The following COL25A1 variants were observed in gnomAD, a reference collection of about 807,000 sequenced individuals.
COL25A1 encodes the protein collagen type XXV alpha 1 chain.
Under a neutral mutation model 128.4 loss-of-function variants are expected in COL25A1, and 103 were observed. The ratio of observed to expected loss-of-function variants is 0.80; its 90% CI spans 0.68 to 0.94. The LOEUF (loss-of-function observed/expected upper bound fraction) is 0.94. Ranked by LOEUF, COL25A1 falls within the 40% of genes least tolerant of loss-of-function variation. The probability of loss-of-function intolerance (pLI) is 0.00; values close to 1 mark genes in which losing one functional copy is unlikely to be tolerated. For missense variants in COL25A1, 745 were observed against 840.0 expected (o/e 0.89, Z 1.40); for synonymous variants, 279 against 277.2 (o/e 1.01, Z -0.06).
At chr4:108,884,135 A>C in intron 19 of COL25A1, 43 bp downstream of exon 19, 1 of 1,599,360 alleles carries the variant, frequency 6.3e-7, no homozygotes, top group South Asian at 1.1e-5. Context: ...TGAATCTCAT[A>C]ATTACAGTTC....
Position 108,954,945 on chromosome 4 carries a change from C to CT in COL25A1, c.493-13509dup, listed in dbSNP as rs11353233. ...CAAACTACAGATGTATGTTATAAAT[C>CT]TTTTTTTTTTTAAAATGGGTCTTCG... On this transcript the variant is annotated intron_variant, in intron 8 of 37. Coordinates refer to ENST00000399132, the MANE Select transcript of COL25A1 (RefSeq NM_198721.4). 4.0e-4 allele frequency among the ~76,000 whole-genome samples: 60 copies of CT among 148,372 alleles called. 1 individual carries two copies. The highest frequency in any genetic ancestry group is 3.5e-3 in the Middle Eastern group (1 of 282).
At chr4:108,889,416 G>A (rs1741219024) in intron 17 of COL25A1, among the ~76,000 whole-genome samples, 160 bp from the exon 18 acceptor site, 1 of 112,240 alleles carries the variant, frequency 8.9e-6, no homozygotes, top group African/African-American at 3.2e-5. Flanking sequence ...TAGACATACG[G>A]ATTTTTTTTT....
Position 108,848,807 on chromosome 4 carries a change from T to C in COL25A1, c.1390-4A>G. 1 of 1,606,340 alleles carries C rather than the reference T, an allele frequency of 6.2e-7. No homozygotes were observed. The highest frequency in any genetic ancestry group is 8.5e-7 in the Non-Finnish European group (1 of 1,173,376). ...TTCCTGGAGATCCCTGCTCTCCCTATTAAGATAAAAATAGATGACTTGCCT... is the reference window on the plus strand; with the variant it reads ...TTCCTGGAGATCCCTGCTCTCCCTACTAAGATAAAAATAGATGACTTGCCT... On this transcript the variant is annotated splice_region_variant and splice_polypyrimidine_tract_variant and intron_variant, in intron 26 of 37. Coordinates refer to ENST00000399132, the MANE Select transcript of COL25A1 (RefSeq NM_198721.4).
chr4:108,825,545 G>C (rs1284045559), intron 33 of COL25A1, among the ~76,000 whole-genome samples: 2 of 152,154 alleles, frequency 1.3e-5, no homozygotes, highest in Non-Finnish European at 2.9e-5. Flanking sequence ...TAAGGGTCAT[G>C]AAAATTTTAT....
At chr4:109,215,716 A>G (rs754862601) in intron 3 of COL25A1, among the ~76,000 whole-genome samples, 1 of 152,142 alleles carries the variant, frequency 6.6e-6, no homozygotes, top group Non-Finnish European at 1.5e-5. Flanking sequence ...AGAAAGTCCC[A>G]TGAGGGCAGA....
At chr4:109,186,793 G>T (rs1401554534) in intron 3 of COL25A1, among the ~76,000 whole-genome samples, 1 of 152,182 alleles carries the variant, frequency 6.6e-6, no homozygotes. Context: ...TAAATAATCT[G>T]CTCCCAGGAG....
intron 3 of COL25A1, among the ~76,000 whole-genome samples, chr4:109,227,808 G>A (rs1406260008): frequency 6.6e-6 from 1 of 152,152 alleles, no homozygotes; most frequent in East Asian, 1.9e-4. Context: ...AGATATATGA[G>A]AGGGGATTTA....
At chr4:109,086,585 C>G (rs1394640309) in intron 3 of COL25A1, among the ~76,000 whole-genome samples, 1 of 152,222 alleles carries the variant, frequency 6.6e-6, no homozygotes, top group Non-Finnish European at 1.5e-5. Context: ...AGTCTATTCT[C>G]TAATCAGCCT....
intron 5 of COL25A1, among the ~76,000 whole-genome samples, chr4:109,040,680 A>G (rs1205644744): frequency 6.6e-6 from 1 of 152,200 alleles, no homozygotes; most frequent in Non-Finnish European, 1.5e-5. Context: ...ATATTTGGTC[A>G]TAAGAAAGCA....
intron 6 of COL25A1, among the ~76,000 whole-genome samples, chr4:109,000,527 C>A (rs937771332): frequency 6.6e-6 from 1 of 151,874 alleles, no homozygotes; most frequent in African/African-American, 2.4e-5. Context: ...AGGAGGATCA[C>A]CTGAGGTCAG....
chr4:109,138,403 T>C (rs887179106), intron 3 of COL25A1, among the ~76,000 whole-genome samples: 1 of 152,230 alleles, frequency 6.6e-6, no homozygotes, highest in African/African-American at 2.4e-5. Context: ...GCATATGGGT[T>C]GGTTCCAAGT....
At chr4:109,057,963 A>G (rs1761603562) in intron 3 of COL25A1, among the ~76,000 whole-genome samples, 1 of 152,226 alleles carries the variant, frequency 6.6e-6, no homozygotes, top group African/African-American at 2.4e-5. Flanking sequence ...ACAATAAAAG[A>G]AATGGATTTC....
chr4:108,986,161 A>G (rs985941790), intron 6 of COL25A1, among the ~76,000 whole-genome samples: 7 of 152,182 alleles, frequency 4.6e-5, no homozygotes, highest in African/African-American at 1.7e-4. Context: ...ATAATCTACA[A>G]GCCTCTGTTG....
At chr4:108,846,267 G>A (rs370386999) in intron 27 of COL25A1, 48 bp from the exon 28 acceptor site, 7 of 1,099,084 alleles carry the variant, frequency 6.4e-6, no homozygotes, top group South Asian at 3.8e-5. Flanking sequence ...AATGACCCCC[G>A]ATAATTACAT....
rs192615525 is a variant in COL25A1, at chr4:109,061,447, A to C, written c.368-11268T>G. ...GAATAGGAATAGATTTCATACTTCA[A>C]ACTATAGTTTAAGGAGGAGCTGCTA... On this transcript the variant is annotated intron_variant, in intron 3 of 37. Transcript: ENST00000399132. Among the ~76,000 whole-genome samples the C allele has an allele frequency of 5.6e-4, 85 of 152,324 alleles. 1 individual carries two copies. Among genetic ancestry groups the C allele is most frequent in the Middle Eastern group, 6.8e-3 (2 of 294 alleles).
intron 8 of COL25A1, among the ~76,000 whole-genome samples, chr4:108,945,877 C>T (rs918732115): frequency 1.3e-5 from 2 of 152,108 alleles, no homozygotes; most frequent in African/African-American, 4.8e-5. Context: ...GTTGCCCAGG[C>T]TGGTCTCGAA....
chr4:108,869,182 T>A, intron 19 of COL25A1, 32 bp from the exon 20 acceptor site: 3 of 967,938 alleles, frequency 3.1e-6, no homozygotes, highest in Non-Finnish European at 3.0e-6. Flanking sequence ...AGATCATTAA[T>A]CATTTGACAA....
Position 109,128,222 on chromosome 4 carries a change from C to T in COL25A1, c.368-78043G>A, listed in dbSNP as rs1768817992. On this transcript the variant is annotated intron_variant, in intron 3 of 37. Coordinates refer to ENST00000399132, the MANE Select transcript of COL25A1 (RefSeq NM_198721.4). ...TGTTTTTCAGAAACCCAAACCCCCA[C>T]CAAACAGATCTGCTGGCACATAGAC... Among the ~76,000 whole-genome samples, 3 of 152,264 alleles carry T rather than the reference C, an allele frequency of 2.0e-5. No individual in the cohort carries two copies. The South Asian group carries it at 6.2e-4, about 32-fold the overall frequency.
intron 3 of COL25A1, among the ~76,000 whole-genome samples, chr4:109,096,115 AC>A (rs143586818): frequency 0.016 from 2,469 of 152,298 alleles, 55 homozygotes; most frequent in East Asian, 0.079. Context: ...TTATCACTTA[AC>A]CATTTAATGC....
Sources: gnomAD v4.1 joint callset for allele counts (sites outside exome capture counted in the v4.1 genomes callset) on GRCh38, gnomAD v4.1.1 for gene constraint, MANE v1.5 for transcripts, NCBI Gene and HGNC (gene_info 2026-07-23, HGNC 2026-07-21) for gene names.